Variants in KIF26B observed in about 807,000 individuals in gnomAD.
KIF26B encodes the protein kinesin-like protein KIF26B.
KIF26B carries 63 observed loss-of-function variants against 151.2 expected under a neutral mutation model. The ratio of observed to expected loss-of-function variants is 0.42; its 90% CI spans 0.34 to 0.51. The LOEUF (loss-of-function observed/expected upper bound fraction) is 0.51. KIF26B is among the 20% of genes least tolerant of loss of function. KIF26B has a pLI of 0.07. For missense variants in KIF26B, 2,813 were observed against 2,913.6 expected (o/e 0.97, Z 0.79); for synonymous variants, 1,357 against 1,262.1 (o/e 1.08, Z -1.59).
chr1:245,658,095 T>C (rs2044093527), intron 10 of KIF26B, among the ~76,000 whole-genome samples: 1 of 152,196 alleles, frequency 6.6e-6, no homozygotes, highest in African/African-American at 2.4e-5. Flanking sequence ...ACATACTGTT[T>C]AGTTTTGTCT....
intron 4 of KIF26B, among the ~76,000 whole-genome samples, chr1:245,469,092 C>G (rs1360316083): frequency 6.6e-6 from 1 of 152,230 alleles, no homozygotes; most frequent in Non-Finnish European, 1.5e-5. Flanking sequence ...CCCTCCTCAA[C>G]TGGCCTCTGG....
At chr1:245,243,888 GA>G (rs2103561353) in intron 2 of KIF26B, among the ~76,000 whole-genome samples, 1 of 151,790 alleles carries the variant, frequency 6.6e-6, no homozygotes. Context: ...GAAAGGAAAG[GA>G]AAGGAAAGGA....
In KIF26B at chr1:245,685,979, C is replaced by T; in HGVS notation, c.2996C>T (p.Ser999Phe). 1 of 1,599,138 alleles carries T rather than the reference C, an allele frequency of 6.3e-7. No individual in the cohort carries two copies. The highest frequency in any genetic ancestry group is 8.5e-7 in the Non-Finnish European group (1 of 1,173,368). ...AGAGAAGGCCCTGAACTCCCAGCCT[C>T]CAAGATGCAGAGGAGTCACTCACCT... ...TNREGPELPASKMQRSHSPVP... is the reference protein window; with the variant it reads ...TNREGPELPAFKMQRSHSPVP... The change falls in exon 12 of 15, where the codon TCC (serine) becomes TTC (phenylalanine). Residue 999 changes from serine to phenylalanine, a missense_variant. Physicochemically the swap from Ser to Phe is radical, Grantham distance 155 (BLOSUM62 -2). This residue lies in a region of KIF26B where 2,060 missense variants were observed against 2,088.6 expected (regional missense o/e 0.99). Coordinates refer to ENST00000407071, the MANE Select transcript of KIF26B (RefSeq NM_018012.4).
intron 9 of KIF26B, among the ~76,000 whole-genome samples, chr1:245,631,053 T>C (rs1011347065): frequency 6.6e-6 from 1 of 152,186 alleles, no homozygotes; most frequent in Non-Finnish European, 1.5e-5. Context: ...GTTCTAATTA[T>C]TATATGCCAT....
chr1:245,372,399 C>T (rs1162371779), intron 3 of KIF26B, among the ~76,000 whole-genome samples: 5 of 152,088 alleles, frequency 3.3e-5, no homozygotes, highest in South Asian at 2.1e-4. Flanking sequence ...TGGGGGTACA[C>T]GTGCAGGTTT....
intron 4 of KIF26B, among the ~76,000 whole-genome samples, chr1:245,451,668 T>G (rs1659396985): frequency 7.2e-6 from 1 of 139,568 alleles, no homozygotes; most frequent in Middle Eastern, 3.4e-3. Flanking sequence ...TGGCACAATC[T>G]CAGCTTACTG....
At chr1:245,333,846 A>T (rs892655245) in intron 2 of KIF26B, among the ~76,000 whole-genome samples, 1 of 152,030 alleles carries the variant, frequency 6.6e-6, no homozygotes, top group African/African-American at 2.4e-5. Context: ...AAAAATACAA[A>T]AATTAGCCAG....
intron 2 of KIF26B, among the ~76,000 whole-genome samples, chr1:245,173,862 C>T (rs1179532284): frequency 6.6e-6 from 1 of 152,214 alleles, no homozygotes; most frequent in Non-Finnish European, 1.5e-5. Flanking sequence ...TGCCGTGGTA[C>T]GACGTGTGAC....
In KIF26B at chr1:245,564,206, C is replaced by G. The variant is rs1290701908; in HGVS notation, c.1350+23256C>G. The stretch of plus-strand genomic sequence containing the variant: ...ACCCTCTTGTGACTCTGAGTCTCTG[C>G]CCCTGGGTTCACGCCACTTAGAATG... On this transcript the variant is annotated intron_variant, in intron 5 of 14. Transcript: ENST00000407071. The surrounding 1 kb of genome is among the most constrained non-coding windows in gnomAD (Gnocchi z 4.6). 6.6e-6 allele frequency among the ~76,000 whole-genome samples: 1 copy of G among 152,134 alleles called. No homozygotes were observed. The highest frequency in any genetic ancestry group is 1.5e-5 in the Non-Finnish European group (1 of 68,036).
At chr1:245,699,103 T>C (rs2044735034) in intron 14 of KIF26B, 66 bp downstream of exon 14, 1 of 1,500,756 alleles carries the variant, frequency 6.7e-7, no homozygotes, top group Non-Finnish European at 9.1e-7. Flanking sequence ...GGCTGGCGTG[T>C]AGCCCAGGGT....
rs563573396 is a variant in KIF26B, at chr1:245,602,289, G to T, written c.1351-288G>T. Among the ~76,000 whole-genome samples the T allele has an allele frequency of 6.6e-6, 1 of 152,176 alleles. No homozygotes were observed. The highest frequency in any genetic ancestry group is 1.9e-4 in the East Asian group (1 of 5,200). ...ATCTGTGTAATTGGGCCACGAGGGC[G>T]CAGTTAATATTCAATTTATATTAAT... On this transcript the variant is annotated intron_variant, in intron 5 of 14. Coordinates refer to ENST00000407071, the MANE Select transcript of KIF26B (RefSeq NM_018012.4). The surrounding 1 kb of genome is among the most constrained non-coding windows in gnomAD (Gnocchi z 4.5).
At chr1:245,258,700 G>T (rs1213348746) in intron 2 of KIF26B, among the ~76,000 whole-genome samples, 1 of 152,046 alleles carries the variant, frequency 6.6e-6, no homozygotes, top group Non-Finnish European at 1.5e-5. Context: ...GTACACTGGG[G>T]TTTGCCAAGG....
chr1:245,304,691 G>GTCCGTCCATCCATCCATCCATCCA (rs1553342830), intron 2 of KIF26B, among the ~76,000 whole-genome samples: 2 of 136,066 alleles, frequency 1.5e-5, no homozygotes, highest in East Asian at 3.9e-4. Context: ...CCATCCATAC[G>GTCCGTCCATCCATCCATCCATCCA]TCCATCCCTC....
At chr1:245,457,039 T>C (rs1429510632) in intron 4 of KIF26B, among the ~76,000 whole-genome samples, 1 of 152,182 alleles carries the variant, frequency 6.6e-6, no homozygotes, top group African/African-American at 2.4e-5. Flanking sequence ...CTAATTTTTG[T>C]ATTTTTAGTA....
At chr1:245,510,215 G>C (rs1281416553) in intron 4 of KIF26B, among the ~76,000 whole-genome samples, 1 of 152,194 alleles carries the variant, frequency 6.6e-6, no homozygotes, top group Non-Finnish European at 1.5e-5. Context: ...TGTTTGTTGG[G>C]TTTGCACTTT....
intron 2 of KIF26B, among the ~76,000 whole-genome samples, chr1:245,229,069 C>T (rs1348028733): frequency 6.6e-6 from 1 of 152,104 alleles, no homozygotes; most frequent in Admixed American, 6.6e-5. Flanking sequence ...CAGGTTCAAG[C>T]GATTCACATG....
At chr1:245,645,472 G>A (rs2043936941) in intron 9 of KIF26B, among the ~76,000 whole-genome samples, 1 of 152,140 alleles carries the variant, frequency 6.6e-6, no homozygotes, top group African/African-American at 2.4e-5. Context: ...AGTTGCTTAA[G>A]TTTTCTGAAC....
chr1:245,531,612 T>A (rs1661361413), intron 4 of KIF26B, among the ~76,000 whole-genome samples: 1 of 152,166 alleles, frequency 6.6e-6, no homozygotes, highest in Admixed American at 6.5e-5. Context: ...AAAGGCTGGA[T>A]TGACTAAGAA....
At chr1:245,155,993 T>TA (rs1553328529) in intron 1 of KIF26B, among the ~76,000 whole-genome samples, 5 of 57,642 alleles carry the variant, frequency 8.7e-5, no homozygotes, top group Non-Finnish European at 1.3e-4. Flanking sequence ...AACCTATGGA[T>TA]CCCCCCCGCC....
Sources: gnomAD v4.1 joint callset for allele counts (sites outside exome capture counted in the v4.1 genomes callset) on GRCh38, gnomAD v4.1.1 for gene constraint, gnomAD v4.1.1 regional missense constraint, Gnocchi (gnomAD v3.1) non-coding constraint, MANE v1.5 for transcripts, NCBI Gene and HGNC (gene_info 2026-07-23, HGNC 2026-07-21) for gene names.